Variants in LIME1 observed in about 807,000 individuals in gnomAD.
LIME1 encodes Lck interacting transmembrane adaptor 1, also known as lck-interacting transmembrane adapter 1.
LIME1 carries 23 observed loss-of-function variants against 18.8 expected under a neutral mutation model. The observed-to-expected ratio is 1.22, with a 90% CI of 0.88 to 1.73. The LOEUF (loss-of-function observed/expected upper bound fraction) is 1.73, where lower values mean the gene tolerates loss of function less well. LIME1 is among the 40% of genes most tolerant of loss of function. The pLI is 0.00. For missense variants in LIME1, 423 were observed against 396.8 expected (o/e 1.07, Z -0.56); for synonymous variants, 177 against 182.3 (o/e 0.97, Z 0.23).
upstream of LIME1, chr20:63,736,602 C>A: frequency 1.0e-6 from 1 of 986,446 alleles, no homozygotes; most frequent in Non-Finnish European, 1.2e-6. Flanking sequence ...TCAGGGGAGG[C>A]GCTTGGCGAC....
Position 63,737,887 on chromosome 20 carries a change from G to A in LIME1, c.165G>A (p.Ala55=). ...AGCGGGCGAGGCTGCAGGGCAGTGC[G>A]ACGGCGGCGGAAGCGGTGAGTGCCA... ...RRQRARLQGS[A]TAAEASLLRR... The change falls in exon 3 of 6, where the codon GCG becomes GCA. Residue 55 remains alanine, a synonymous_variant. Coordinates refer to ENST00000309546, the MANE Select transcript of LIME1 (RefSeq NM_017806.4). 1.3e-6 allele frequency: 2 copies of A among 1,580,574 alleles called. No homozygotes were observed. Among genetic ancestry groups the A allele is most frequent in the East Asian group, 2.3e-5 (1 of 43,670 alleles).
At chr20:63,736,368 A>G (rs2091990113), upstream of LIME1, 1 of 183,052 alleles carries the variant, frequency 5.5e-6, no homozygotes, top group African/African-American at 2.4e-5. Context: ...GCGGGAGAGG[A>G]CTGTGGCCCA....
intron 1 of LIME1, 142 bp from the exon 2 acceptor site, chr20:63,737,389 CAG>C: frequency 2.2e-6 from 3 of 1,344,976 alleles, no homozygotes; most frequent in Admixed American, 3.7e-5. Flanking sequence ...GAGGGACTGC[CAG>C]GCCTTGGGGC....
rs371570729 is a variant in LIME1, at chr20:63,738,796, G to T, written c.784G>T (p.Asp262Tyr). The change falls in exon 6 of 6, where the codon GAC (aspartate) becomes TAC (tyrosine). Residue 262 changes from aspartate (D) to tyrosine (Y), a missense_variant. Asp to Tyr is a radical substitution (Grantham distance 160, BLOSUM62 -3). Coordinates refer to ENST00000309546, the MANE Select transcript of LIME1 (RefSeq NM_017806.4). ...GTATGAGAGCATCCGGGAGCTGGGG[G>T]ACCCTGCTGGCAGGAGCAGCACGTG... ...NVYESIRELGDPAGRSSTCGA... is the reference protein window; with the variant it reads ...NVYESIRELGYPAGRSSTCGA... 1.2e-6 allele frequency: 2 copies of T among 1,612,730 alleles called. No homozygotes were observed. The highest frequency in any genetic ancestry group is 2.7e-5 in the African/African-American group (2 of 74,938).
rs1443623195 is a variant in LIME1, at chr20:63,738,952, C to T, written c.*52C>T. On this transcript the variant is annotated 3_prime_UTR_variant, in exon 6 of 6. Coordinates refer to ENST00000309546, the MANE Select transcript of LIME1 (RefSeq NM_017806.4). ...CCAGAGTGAGGCCCGTCCCCCGCCC[C>T]GCCCCGCCTCACAGCTGACAGCGCC... 2 of 1,423,398 alleles carry T rather than the reference C, an allele frequency of 1.4e-6. No individual in the cohort carries two copies. Among genetic ancestry groups the T allele is most frequent in the African/African-American group, 1.4e-5 (1 of 69,192 alleles). 88.2% of individuals were successfully genotyped at this position (1,423,398 alleles called of 1,614,324 possible).
chr20:63,738,886 G>A lies in LIME1; in HGVS notation c.874G>A (p.Ala292Thr), dbSNP rs894107883. The change falls in exon 6 of 6, where the codon GCC (alanine) becomes ACC (threonine). Residue 292 changes from alanine to threonine, a missense_variant. Coordinates refer to ENST00000309546, the MANE Select transcript of LIME1 (RefSeq NM_017806.4). The stretch of plus-strand genomic sequence containing the variant: ...AGGGAGGGGCTGGAGACCCCTCCCT[G>A]CCTCCCTGCCCTGAACACTCAAGGA... Reference protein sequence around the residue: ...SLGRGWRPLPASLP With the variant: ...SLGRGWRPLPTSLP The A allele has an allele frequency of 4.4e-6, 7 of 1,603,984 alleles. No homozygotes were observed. Among genetic ancestry groups the A allele is most frequent in the Non-Finnish European group, 5.1e-6 (6 of 1,175,730 alleles).
At chr20:63,736,166 A>G (rs2145711445), upstream of LIME1, 7 of 553,246 alleles carry the variant, frequency 1.3e-5, no homozygotes, top group Non-Finnish European at 1.9e-5. Flanking sequence ...AGCTGGCTGC[A>G]GGGTCTCTGG....
Position 63,738,073 on chromosome 20 carries a change from C to CGGGGGGGGGGCG in LIME1, c.268+17_268+18insGGGGGGCGGGGG. ...CGCAGCAGCAGGGGTGAGCAGAGGG[C>CGGGGGGGGGGCG]GGGGCGGGGGCGGCCGGGCGGGGCT... On this transcript the variant is annotated intron_variant, in intron 4 of 5. Coordinates refer to ENST00000309546, the MANE Select transcript of LIME1 (RefSeq NM_017806.4). 1 of 1,425,108 alleles carries CGGGGGGGGGGCG rather than the reference C, an allele frequency of 7.0e-7. No homozygotes were observed. Among genetic ancestry groups the CGGGGGGGGGGCG allele is most frequent in the Admixed American group, 2.1e-5 (1 of 48,012 alleles). The allele number at this position is 1,425,108 out of a possible 1,614,324, so 88.3% of individuals were successfully genotyped here. A position where few individuals can be genotyped will look rare whatever the true frequency, so the allele number is the denominator to read the frequency against.
intron 1 of LIME1, chr20:63,737,120 T>C (rs1306826304): frequency 9.1e-6 from 9 of 992,338 alleles, no homozygotes; most frequent in Non-Finnish European, 9.6e-6. Flanking sequence ...GCGAGCGGCT[T>C]GGGGGCACTA....
chr20:63,738,257 G>C lies in LIME1; in HGVS notation c.343G>C (p.Ala115Pro). The part of the protein sequence containing the change: ...EVSRDITGPQ[A>P]APSAFPHQEL... The stretch of plus-strand genomic sequence containing the variant: ...GTCCAGGGACATCACCGGACCGCAG[G>C]CAGCCCCCTCTGCCTTCCCACACCA... The change falls in exon 5 of 6, where the codon GCA (alanine) becomes CCA (proline). Residue 115 changes from alanine (A) to proline (P), a missense_variant. Physicochemically the swap from Ala to Pro is conservative, Grantham distance 27 (BLOSUM62 -1). Coordinates refer to ENST00000309546, the MANE Select transcript of LIME1 (RefSeq NM_017806.4). 6.3e-7 allele frequency: 1 copy of C among 1,588,826 alleles called. No individual in the cohort carries two copies.
At chr20:63,735,959 C>T (rs777901454), upstream of LIME1, 1 of 1,584,962 alleles carries the variant, frequency 6.3e-7, no homozygotes, top group South Asian at 1.1e-5. Flanking sequence ...GGGACCCCAG[C>T]ACGGGCTGCC....
Position 63,738,815 on chromosome 20 carries a change from G to A in LIME1, c.803G>A (p.Ser268Asn). The A allele has an allele frequency of 6.2e-7, 1 of 1,612,328 alleles. No individual in the cohort carries two copies. Among genetic ancestry groups the A allele is most frequent in the South Asian group, 1.1e-5 (1 of 91,024 alleles). The part of the protein sequence containing the change: ...RELGDPAGRS[S>N]TCGAGTPPAS... ...CTGGGGGACCCTGCTGGCAGGAGCA[G>A]CACGTGCGGGGCTGGGACGCCCCCT... Residue 268 changes from serine to asparagine, a missense_variant, in exon 6 of 6, where the codon AGC (serine) becomes AAC (asparagine). Physicochemically the swap from Ser to Asn is conservative, Grantham distance 46. Coordinates refer to ENST00000309546, the MANE Select transcript of LIME1 (RefSeq NM_017806.4).
At position 63,738,410 on chromosome 20, in the gene LIME1, G is replaced by A. The variant is rs1440008067; in HGVS notation, c.496G>A (p.Glu166Lys). ...CCTGGCGGCCAGCCCTGTGGTGGCC[G>A]AGTATGCCCGCGTCCAGAAGCGCAA... ...VSLAASPVVA[E>K]YARVQKRKGT... The change falls in exon 5 of 6, where the codon GAG becomes AAG. Residue 166 changes from glutamate (E) to lysine (K), a missense_variant. By Grantham distance (56) the Glu-to-Lys change is moderately conservative. Transcript: ENST00000309546. 6.5e-7 allele frequency: 1 copy of A among 1,547,624 alleles called. No individual in the cohort carries two copies. Among genetic ancestry groups the A allele is most frequent in the South Asian group, 1.2e-5 (1 of 82,560 alleles).
At position 63,738,857 on chromosome 20, in the gene LIME1, G is replaced by T. The variant is rs1023742819; in HGVS notation, c.845G>T (p.Ser282Ile). ...ACGCCCCCTGCTTCCAGCTGCCCCA[G>T]CCTAGGGAGGGGCTGGAGACCCCTC... Reference protein sequence around the residue: ...AGTPPASSCPSLGRGWRPLPA... With the variant: ...AGTPPASSCPILGRGWRPLPA... The change falls in exon 6 of 6, where the codon AGC becomes ATC. Residue 282 changes from serine (S) to isoleucine (I), a missense_variant. Physicochemically the swap from Ser to Ile is moderately radical, Grantham distance 142. Transcript: ENST00000309546. 5 of 1,610,180 alleles carry T rather than the reference G, an allele frequency of 3.1e-6. No homozygotes were observed. In the South Asian group the frequency reaches 5.5e-5, roughly 18 times the overall value.
chr20:63,736,726 T>TG lies in LIME1; in HGVS notation c.-18+20dup. The TG allele has an allele frequency of 1.0e-6, 1 of 985,616 alleles. No homozygotes were observed. Among genetic ancestry groups the TG allele is most frequent in the Non-Finnish European group, 1.2e-6 (1 of 830,164 alleles). 61.1% of individuals were successfully genotyped at this position (985,616 alleles called of 1,614,324 possible). A position where few individuals can be genotyped will look rare whatever the true frequency, so the allele number is the denominator to read the frequency against. ...GCCGTGGGCTTGGTAAGTGCCCTCC[T>TG]GGGGGGCAGCTGGGGTCTGGGAGGC... On this transcript the variant is annotated intron_variant, in intron 1 of 5. Coordinates refer to ENST00000309546, the MANE Select transcript of LIME1 (RefSeq NM_017806.4).
chr20:63,738,521 C>T (rs1267725142), intron 5 of LIME1, 22 bp downstream of exon 5: 2 of 1,508,700 alleles, frequency 1.3e-6, no homozygotes, highest in Non-Finnish European at 8.9e-7. Flanking sequence ...CAGGGTAGGG[C>T]GCTGTGGGTG....
In LIME1 at chr20:63,738,918, C is replaced by T; in HGVS notation, c.*18C>T. ...TGCCCTGAACACTCAAGGACCTGTG[C>T]TCCTTCCTCCAGAGTGAGGCCCGTC... is the stretch of plus-strand genomic sequence containing the variant. On this transcript the variant is annotated 3_prime_UTR_variant, in exon 6 of 6. Transcript: ENST00000309546. 2.0e-6 allele frequency: 3 copies of T among 1,534,730 alleles called. No individual in the cohort carries two copies. The highest frequency in any genetic ancestry group is 2.6e-6 in the Non-Finnish European group (3 of 1,140,522).
upstream of LIME1, chr20:63,736,594 A>C: frequency 3.0e-6 from 3 of 986,784 alleles, no homozygotes; most frequent in Non-Finnish European, 2.4e-6. Context: ...TGGGAGGCTC[A>C]GGGGAGGCGC....
Position 63,738,384 on chromosome 20 carries a change from GC to G in LIME1, c.472del (p.Leu158TrpfsTer33). 1 of 1,555,244 alleles carries G rather than the reference GC, an allele frequency of 6.4e-7. No individual in the cohort carries two copies. On this transcript the variant is annotated frameshift_variant, in exon 5 of 6. Transcript: ENST00000309546. LOFTEE classifies it high-confidence loss of function. ...NVGLAALPGV[S>X]LAASPVVAEY... is the part of the protein sequence containing the mutation. Reference sequence around the variant, plus strand: ...GGGCTGGCGGCCCTTCCCGGGGTCAGCCTGGCGGCCAGCCCTGTGGTGGCCG... The same window carrying G: ...GGGCTGGCGGCCCTTCCCGGGGTCAGCTGGCGGCCAGCCCTGTGGTGGCCG...
Sources: gnomAD v4.1 joint callset for allele counts on GRCh38, gnomAD v4.1.1 for gene constraint, MANE v1.5 for transcripts, NCBI Gene and HGNC (gene_info 2026-07-23, HGNC 2026-07-21) for gene names.